EYA3: variants seen among roughly 807,000 people sequenced by gnomAD.
The protein encoded by EYA3 is EYA transcriptional coactivator and phosphatase 3, also known as protein phosphatase EYA3.
A neutral mutation model predicts 80.0 loss-of-function variants in EYA3; 39 were observed. That is an observed-to-expected ratio of 0.49 (90% CI 0.38 to 0.64). EYA3 has a LOEUF of 0.64. Ranked by LOEUF, EYA3 falls within the 30% of genes least tolerant of loss-of-function variation. The pLI is 0.00. For missense variants in EYA3, 523 were observed against 676.1 expected (o/e 0.77, Z 2.51); for synonymous variants, 206 against 232.8 (o/e 0.88, Z 1.05).
At chr1:28,040,857 G>A (rs1005631116) in intron 4 of EYA3, among the ~76,000 whole-genome samples, 5 of 145,168 alleles carry the variant, frequency 3.4e-5, no homozygotes, top group Non-Finnish European at 7.4e-5. Context: ...GGAGGGGCAG[G>A]GGGGGGTCGG....
chr1:28,064,370 C>G (rs997359934), intron 1 of EYA3, among the ~76,000 whole-genome samples: 3 of 116,352 alleles, frequency 2.6e-5, no homozygotes, highest in African/African-American at 9.7e-5. Flanking sequence ...CTCTCTCTCT[C>G]TCTCTCTCTA....
intron 5 of EYA3, among the ~76,000 whole-genome samples, chr1:28,037,429 G>C (rs1416864126): frequency 6.6e-6 from 1 of 152,142 alleles, no homozygotes; most frequent in Non-Finnish European, 1.5e-5. Context: ...ATTCTTCTTA[G>C]CCAGATCTGA....
At chr1:27,998,224 T>A in intron 12 of EYA3, 1 of 648,274 alleles carries the variant, frequency 1.5e-6, no homozygotes, top group Non-Finnish European at 1.9e-6. Flanking sequence ...TCCTAGAATC[T>A]CCACTTTTAA....
At chr1:28,027,603 A>C (rs1312027558) in intron 7 of EYA3, among the ~76,000 whole-genome samples, 186 bp downstream of exon 7, 1 of 152,134 alleles carries the variant, frequency 6.6e-6, no homozygotes, top group Non-Finnish European at 1.5e-5. Context: ...CTACTTATAA[A>C]CCACACTCCT....
chr1:28,025,389 C>T (rs763986293), intron 7 of EYA3, among the ~76,000 whole-genome samples: 1 of 152,098 alleles, frequency 6.6e-6, no homozygotes, highest in Middle Eastern at 3.2e-3. Context: ...GATACTATGA[C>T]CTCAATACTG....
chr1:27,977,001 A>C (rs1638963864), intron 17 of EYA3: 1 of 984,944 alleles, frequency 1.0e-6, no homozygotes, highest in Admixed American at 6.1e-5. Flanking sequence ...TATAGGCATG[A>C]GCCACCGTGC....
In EYA3 at chr1:27,988,591, A is replaced by G; in HGVS notation, c.1484T>C (p.Leu495Pro). 6.2e-7 allele frequency: 1 copy of G among 1,614,134 alleles called. No individual in the cohort carries two copies. Among genetic ancestry groups the G allele is most frequent in the Non-Finnish European group, 8.5e-7 (1 of 1,179,962 alleles). ...QLVPALAKVL[L>P]YGLGEIFPIE... ...AGGAAATATTTCTCCTAGTCCATAT[A>G]GGAGAACCTTGGCCAGGGCTGGAAC... is the stretch of plus-strand genomic sequence containing the variant. The change falls in exon 16 of 18, where the codon CTA becomes CCA. Residue 495 changes from leucine to proline, a missense_variant. Around this residue, in one of 2 missense-constraint regions of EYA3, gnomAD observed 219 missense variants for 332.8 expected, o/e 0.66. Transcript: ENST00000373871.
chr1:28,084,227 ATAC>A (rs59269674), intron 1 of EYA3, among the ~76,000 whole-genome samples: 50,564 of 151,626 alleles, frequency 0.33, 8,547 homozygotes, highest in East Asian at 0.5. Context: ...GTTTTTAAAT[ATAC>A]TACTATAAAG....
At chr1:27,991,341 C>T (rs997876060) in intron 14 of EYA3, among the ~76,000 whole-genome samples, 13 of 152,082 alleles carry the variant, frequency 8.5e-5, no homozygotes, top group Non-Finnish European at 1.8e-4. Context: ...CATGAAATTC[C>T]AGGTTGAATG....
chr1:28,069,294 A>G (rs1300155325), intron 1 of EYA3, among the ~76,000 whole-genome samples: 2 of 151,994 alleles, frequency 1.3e-5, no homozygotes, highest in Non-Finnish European at 1.5e-5. Context: ...GTATTTTAGT[A>G]GAGACAGTCT....
In EYA3 at chr1:28,013,615, C is replaced by T. The variant is rs1441617183; in HGVS notation, c.586-321G>A. On this transcript the variant is annotated intron_variant, in intron 8 of 17. Coordinates refer to ENST00000373871, the MANE Select transcript of EYA3 (RefSeq NM_001990.4). The surrounding 1 kb of genome is among the most constrained non-coding windows in gnomAD (Gnocchi z 4.0). ...AGCCTCTTCCCCCAGTTTTATGTAC[C>T]GAATTTCTGCACAGAATTTGAGGGA... Among the ~76,000 whole-genome samples, 6 of 152,024 alleles carry T rather than the reference C, an allele frequency of 3.9e-5. No individual in the cohort carries two copies. The highest frequency in any genetic ancestry group is 3.9e-4 in the Admixed American group (6 of 15,256).
chr1:28,056,930 G>A (rs904911881), intron 2 of EYA3, among the ~76,000 whole-genome samples: 1 of 152,158 alleles, frequency 6.6e-6, no homozygotes, highest in Non-Finnish European at 1.5e-5. Flanking sequence ...TTCCAGTAGT[G>A]TAAATCCTAA....
rs187601417 is a variant in EYA3, at chr1:28,082,376, G to A, written c.-69+6148C>T. ...GATATTTGATTAAATTTTTTTATTTGGGCTTAATAAAGGAACAAAAGAATC... is the reference window on the plus strand; with the variant it reads ...GATATTTGATTAAATTTTTTTATTTAGGCTTAATAAAGGAACAAAAGAATC... On this transcript the variant is annotated intron_variant, in intron 1 of 17. Coordinates refer to ENST00000373871, the MANE Select transcript of EYA3 (RefSeq NM_001990.4). 1.4e-3 allele frequency among the ~76,000 whole-genome samples: 212 copies of A among 151,892 alleles called. 1 individual carries two copies. Among genetic ancestry groups the A allele is most frequent in the African/African-American group, 4.7e-3 (196 of 41,434 alleles).
At chr1:28,055,462 C>CTT (rs531586344) in intron 2 of EYA3, among the ~76,000 whole-genome samples, 2,932 of 106,852 alleles carry the variant, frequency 0.027, 79 homozygotes, top group Non-Finnish European at 0.043. Context: ...TAAAGAAAAT[C>CTT]TTTTTTTTTT....
chr1:28,075,021 T>C (rs1386652809), intron 1 of EYA3, among the ~76,000 whole-genome samples: 1 of 152,242 alleles, frequency 6.6e-6, no homozygotes, highest in African/African-American at 2.4e-5. Context: ...AAAACCAGTA[T>C]AAGACTCAGT....
intron 17 of EYA3, among the ~76,000 whole-genome samples, chr1:27,974,786 G>T (rs1638857311): frequency 6.6e-6 from 1 of 152,174 alleles, no homozygotes; most frequent in Non-Finnish European, 1.5e-5. Flanking sequence ...GCTTTTGAGA[G>T]ATTACCTGTT....
At chr1:28,045,435 T>C (rs1198906510) in intron 3 of EYA3, among the ~76,000 whole-genome samples, 3 of 152,182 alleles carry the variant, frequency 2.0e-5, no homozygotes, top group Non-Finnish European at 4.4e-5. Context: ...CCTGGTTAAG[T>C]ATGAGGTTCA....
In EYA3 at chr1:28,042,348, G is replaced by A. The variant is rs111568882; in HGVS notation, c.157+223C>T. ...CTCAAAACAAAAATAAAATCACGGC[G>A]TGTGACTCCTTGGGTGAGTGGACTC... On this transcript the variant is annotated intron_variant, in intron 4 of 17. Transcript: ENST00000373871. 7.7e-3 allele frequency among the ~76,000 whole-genome samples: 1,176 copies of A among 152,202 alleles called. 10 individuals are homozygous for A. Among genetic ancestry groups the A allele is most frequent in the Middle Eastern group, 0.051 (15 of 294 alleles).
At chr1:27,987,399 T>C (rs1266704795) in intron 16 of EYA3, among the ~76,000 whole-genome samples, 1 of 152,236 alleles carries the variant, frequency 6.6e-6, no homozygotes, top group Non-Finnish European at 1.5e-5. Context: ...CTCTGAACTA[T>C]TGTCAATAAT....
Sources: allele counts gnomAD v4.1 joint callset (sites outside exome capture counted in the v4.1 genomes callset), GRCh38; gene constraint gnomAD v4.1.1; regional missense constraint gnomAD v4.1.1; non-coding constraint Gnocchi (gnomAD v3.1); transcripts MANE v1.5; gene names NCBI Gene and HGNC (gene_info 2026-07-23, HGNC 2026-07-21).